HPSE2: variants seen among roughly 807,000 people sequenced by gnomAD.
HPSE2 encodes the protein heparanase 2 (inactive), also known as inactive heparanase-2.
HPSE2 carries 38 observed loss-of-function variants against 60.5 expected under a neutral mutation model. The observed-to-expected ratio is 0.63, with a 90% confidence interval of 0.48 to 0.82. HPSE2 has a LOEUF of 0.82. HPSE2 is among the 40% of genes least tolerant of loss of function. HPSE2 has a pLI of 0.00. For missense variants in HPSE2, 713 were observed against 740.4 expected, an observed-to-expected ratio of 0.96 and a Z score of 0.43; for synonymous variants, 295 against 293.2, an observed-to-expected ratio of 1.01 and a Z score of -0.06.
At chr10:98,904,324 T>C (rs770836390) in intron 3 of HPSE2, among the ~76,000 whole-genome samples, 5 of 152,058 alleles carry the variant, frequency 3.3e-5, no homozygotes, top group African/African-American at 4.8e-5. Context: ...AAGAATAACA[T>C]GGAAGAAGGG....
rs1946647376 is a variant in HPSE2, at chr10:98,641,875, A to T, written c.1070T>A (p.Leu357His). ...CTGAATTTTCCTAATCTGGTCAGAG[A>T]GTGTGTCTAACAGGCGAGTTTTCAG... ...DFLKTRLLDT[L>H]SDQIRKIQKV... Residue 357 changes from leucine to histidine, a missense_variant, in exon 7 of 12, where the codon CTC becomes CAC. Physicochemically the swap from Leu to His is moderately conservative, Grantham distance 99. Transcript: ENST00000370552. The T allele has an allele frequency of 6.2e-6, 10 of 1,613,792 alleles. No homozygotes were observed. Among genetic ancestry groups the T allele is most frequent in the Non-Finnish European group, 7.6e-6 (9 of 1,179,784 alleles).
At chr10:99,151,982 T>C (rs566136301) in intron 2 of HPSE2, among the ~76,000 whole-genome samples, 1 of 151,758 alleles carries the variant, frequency 6.6e-6, no homozygotes, top group African/African-American at 2.4e-5. Flanking sequence ...AAACTATCAT[T>C]CAAAAATGCA....
chr10:98,489,866 G>C (rs1196072722), intron 10 of HPSE2, among the ~76,000 whole-genome samples, 185 bp downstream of exon 10: 1 of 152,202 alleles, frequency 6.6e-6, no homozygotes, highest in Non-Finnish European at 1.5e-5. Context: ...AGAAGGGAGC[G>C]TTTACTTGGA....
chr10:98,497,074 TAA>T, intron 9 of HPSE2, among the ~76,000 whole-genome samples: 1 of 152,264 alleles, frequency 6.6e-6, no homozygotes, highest in Non-Finnish European at 1.5e-5. Context: ...TGTATACTAT[TAA>T]GTTTGCTATT....
chr10:98,812,811 CTT>C (rs1951198821), intron 3 of HPSE2, among the ~76,000 whole-genome samples: 1 of 152,100 alleles, frequency 6.6e-6, no homozygotes, highest in South Asian at 2.1e-4. Flanking sequence ...AACTTTGTCT[CTT>C]CTTTTTTTTC....
chr10:98,860,934 T>A (rs1260712704), intron 3 of HPSE2, among the ~76,000 whole-genome samples: 2 of 152,198 alleles, frequency 1.3e-5, no homozygotes, highest in African/African-American at 4.8e-5. Context: ...AAACAAAATG[T>A]GAATTTTAAG....
At chr10:99,232,796 C>G (rs1849703930) in intron 1 of HPSE2, among the ~76,000 whole-genome samples, 1 of 152,256 alleles carries the variant, frequency 6.6e-6, no homozygotes, top group Non-Finnish European at 1.5e-5. Context: ...AGTGTTTGTT[C>G]ATAGAGTGTT....
At chr10:98,948,967 A>G (rs982205945) in intron 3 of HPSE2, among the ~76,000 whole-genome samples, 4 of 152,152 alleles carry the variant, frequency 2.6e-5, no homozygotes, top group Non-Finnish European at 5.9e-5. Flanking sequence ...TGTTATCAAT[A>G]AGGCTTCTGG....
chr10:98,742,171 T>C lies in HPSE2; in HGVS notation c.784+1712A>G, dbSNP rs192276773. ...ACCCTAGTTGAGACTCCTACAGTCA[T>C]GGTATCCTGAGTTTAACTCAACAGG... On this transcript the variant is annotated intron_variant, in intron 4 of 11. Coordinates refer to ENST00000370552, the MANE Select transcript of HPSE2 (RefSeq NM_021828.5). Among the ~76,000 whole-genome samples the C allele has an allele frequency of 1.1e-3, 167 of 152,294 alleles. 3 individuals are homozygous for C. The highest frequency in any genetic ancestry group is 3.7e-3 in the African/African-American group (153 of 41,568).
chr10:98,986,698 C>G (rs1250911040), intron 3 of HPSE2, among the ~76,000 whole-genome samples: 1 of 143,872 alleles, frequency 7.0e-6, no homozygotes, highest in African/African-American at 2.5e-5. Flanking sequence ...ATTAATGAAT[C>G]CAGGAGCTGG....
intron 9 of HPSE2, among the ~76,000 whole-genome samples, chr10:98,561,536 C>T (rs1420932642): frequency 6.6e-6 from 1 of 152,052 alleles, no homozygotes; most frequent in Middle Eastern, 3.2e-3. Context: ...TAAGCTAAGG[C>T]TAATTTATTA....
intron 3 of HPSE2, among the ~76,000 whole-genome samples, chr10:98,873,016 G>T (rs190256701): frequency 2.6e-4 from 40 of 152,192 alleles, no homozygotes; most frequent in African/African-American, 9.4e-4. Flanking sequence ...AGAAGAGAAG[G>T]CTAAACTTGA....
intron 3 of HPSE2, among the ~76,000 whole-genome samples, chr10:98,892,193 T>C (rs993332071): frequency 6.6e-6 from 1 of 151,856 alleles, no homozygotes; most frequent in African/African-American, 2.4e-5. Flanking sequence ...AAGTGAAAAA[T>C]CTCAAAATTA....
intron 2 of HPSE2, among the ~76,000 whole-genome samples, chr10:99,182,547 T>C (rs1847816586): frequency 6.6e-6 from 1 of 152,162 alleles, no homozygotes; most frequent in Non-Finnish European, 1.5e-5. Flanking sequence ...TCCAAAGTAA[T>C]GATTATTTTA....
intron 11 of HPSE2, among the ~76,000 whole-genome samples, chr10:98,471,982 G>T (rs772427137): frequency 3.9e-5 from 6 of 152,014 alleles, no homozygotes; most frequent in Admixed American, 6.6e-5. Flanking sequence ...GTTGTTTTCA[G>T]GTATGTATAT....
At position 99,180,678 on chromosome 10, in the gene HPSE2, A is replaced by C. The variant is rs143551645; in HGVS notation, c.449-36279T>G. ...GGTGGGTGGATTGCCTGAGCTCAGG[A>C]GTTCGAGACCAGCCTGGGCAACATG... On this transcript the variant is annotated intron_variant, in intron 2 of 11. Coordinates refer to ENST00000370552, the MANE Select transcript of HPSE2 (RefSeq NM_021828.5). Among the ~76,000 whole-genome samples the C allele has an allele frequency of 2.4e-3, 372 of 152,026 alleles. 2 individuals are homozygous for C. Among genetic ancestry groups the C allele is most frequent in the African/African-American group, 8.5e-3 (353 of 41,458 alleles).
At chr10:99,158,078 G>T (rs1484982890) in intron 2 of HPSE2, among the ~76,000 whole-genome samples, 1 of 140,066 alleles carries the variant, frequency 7.1e-6, no homozygotes, top group Non-Finnish European at 1.6e-5. Flanking sequence ...AGTTAGAATG[G>T]CAATCATTAA....
rs185584086 is a variant in HPSE2, at chr10:99,191,749, C to A, written c.448+40599G>T. Among the ~76,000 whole-genome samples the A allele has an allele frequency of 2.0e-5, 3 of 152,270 alleles. No homozygotes were observed. The East Asian group carries it at 5.8e-4, about 29-fold the overall frequency. On this transcript the variant is annotated intron_variant, in intron 2 of 11. Coordinates refer to ENST00000370552, the MANE Select transcript of HPSE2 (RefSeq NM_021828.5). The stretch of plus-strand genomic sequence containing the variant: ...GAACATCCACAACCATCAACAACAT[C>A]CAGGAAAATATGACCTCACCAAAAG...
intron 3 of HPSE2, among the ~76,000 whole-genome samples, chr10:98,760,635 C>T (rs967906955): frequency 3.3e-5 from 5 of 151,992 alleles, no homozygotes; most frequent in African/African-American, 1.2e-4. Context: ...CTTGCATCTT[C>T]GGAATAAATC....
Sources: allele counts gnomAD v4.1 joint callset (sites outside exome capture counted in the v4.1 genomes callset), GRCh38; gene constraint gnomAD v4.1.1; transcripts MANE v1.5; gene names NCBI Gene and HGNC (gene_info 2026-07-23, HGNC 2026-07-21).